Variants in NAV3 observed in about 807,000 individuals in gnomAD.
The protein encoded by NAV3 is pore membrane and/or filament interacting like protein 1.
Under a neutral mutation model 244.7 loss-of-function variants are expected in NAV3, and 87 were observed. That is an observed-to-expected ratio of 0.36 (90% CI 0.30 to 0.42). The LOEUF (loss-of-function observed/expected upper bound fraction) is 0.42. NAV3 is among the 20% of genes least tolerant of loss of function. The pLI, the probability that NAV3 is intolerant of heterozygous loss-of-function variation, is 1.00. For synonymous variants in NAV3, 1,126 were observed against 1,042.2 expected (o/e 1.08, Z -1.55); for missense variants, 2,663 against 2,893.3 (o/e 0.92, Z 1.83).
At chr12:77,726,162 C>T (rs1435141306) in intron 2 of NAV3, among the ~76,000 whole-genome samples, 4 of 119,770 alleles carry the variant, frequency 3.3e-5, no homozygotes, top group African/African-American at 1.0e-4. Flanking sequence ...CTGCCTTCCA[C>T]ATCTACCTTC....
chr12:77,729,260 T>C (rs1203851607), intron 2 of NAV3, among the ~76,000 whole-genome samples: 1 of 151,926 alleles, frequency 6.6e-6, no homozygotes, highest in Non-Finnish European at 1.5e-5. Context: ...GCTTGGTATA[T>C]ATAGGTTTGG....
chr12:77,675,296 T>G (rs1255661659), intron 2 of NAV3, among the ~76,000 whole-genome samples: 2 of 152,214 alleles, frequency 1.3e-5, no homozygotes, highest in Non-Finnish European at 2.9e-5. Flanking sequence ...CTTACATGAT[T>G]GTGGGGACGG....
At chr12:77,841,861 A>G (rs1390527785) in intron 1 of NAV3, among the ~76,000 whole-genome samples, 1 of 152,146 alleles carries the variant, frequency 6.6e-6, no homozygotes, top group Non-Finnish European at 1.5e-5. Flanking sequence ...GGAGGATTGC[A>G]TAAGAGGCTG....
At chr12:77,731,298 A>G (rs548967937) in intron 2 of NAV3, among the ~76,000 whole-genome samples, 3 of 152,126 alleles carry the variant, frequency 2.0e-5, no homozygotes, top group South Asian at 4.1e-4. Context: ...ATAAGTTGCA[A>G]TAATGGATTA....
At position 77,684,421 on chromosome 12, in the gene NAV3, C is replaced by T. The variant is rs186430416; in HGVS notation, c.72+112155C>T. On this transcript the variant is annotated intron_variant, in intron 2 of 8. Coordinates refer to the NAV3 transcript ENST00000550042. Reference sequence around the variant, plus strand: ...TTTCTTGTTTTTTGACAGTGTTTTACTCTCTTGTCCAGGCTAGAGTCCAGT... The same window carrying T: ...TTTCTTGTTTTTTGACAGTGTTTTATTCTCTTGTCCAGGCTAGAGTCCAGT... Among the ~76,000 whole-genome samples, 792 of 152,142 alleles carry T rather than the reference C, an allele frequency of 5.2e-3. 8 individuals are homozygous for T. Among genetic ancestry groups the T allele is most frequent in the Middle Eastern group, 0.027 (8 of 294 alleles).
intron 1 of NAV3, among the ~76,000 whole-genome samples, chr12:77,938,337 A>C (rs929800568): frequency 6.6e-6 from 1 of 152,196 alleles, no homozygotes; most frequent in African/African-American, 2.4e-5. Flanking sequence ...GCATCCACCT[A>C]AAAATCATGT....
chr12:77,709,500 A>T lies in NAV3; in HGVS notation c.72+137234A>T, dbSNP rs897799547. Among the ~76,000 whole-genome samples the T allele has an allele frequency of 2.6e-5, 4 of 152,204 alleles. No homozygotes were observed. The East Asian group carries it at 7.7e-4, about 29-fold the overall frequency. On this transcript the variant is annotated intron_variant, in intron 2 of 8. Coordinates refer to the NAV3 transcript ENST00000550042. ...AGTAAAAGGAAAACATTCTGTAAAT[A>T]AATTTAATAAACTATTATGGGTGCC...
chr12:77,942,569 T>C (rs1416237551), intron 3 of NAV3, among the ~76,000 whole-genome samples: 2 of 152,162 alleles, frequency 1.3e-5, no homozygotes, highest in African/African-American at 4.8e-5. Flanking sequence ...TAAGTGACTC[T>C]GTGGGAATTA....
At chr12:78,004,937 G>T (rs1873940197) in intron 7 of NAV3, among the ~76,000 whole-genome samples, 1 of 152,130 alleles carries the variant, frequency 6.6e-6, no homozygotes, top group Admixed American at 6.5e-5. Flanking sequence ...TCAGTTTTGG[G>T]TGCAGTGATG....
intron 2 of NAV3, among the ~76,000 whole-genome samples, chr12:77,680,772 T>A (rs1874415505): frequency 6.6e-6 from 1 of 151,232 alleles, no homozygotes; most frequent in Non-Finnish European, 1.5e-5. Flanking sequence ...AATGGAAAGT[T>A]AAAAGAGAGT....
intron 12 of NAV3, among the ~76,000 whole-genome samples, chr12:78,065,138 C>T (rs1202345549): frequency 6.6e-6 from 1 of 152,026 alleles, no homozygotes; most frequent in South Asian, 2.1e-4. Flanking sequence ...AAGTTTCTCA[C>T]CGAGATAGAG....
intron 2 of NAV3, among the ~76,000 whole-genome samples, chr12:77,742,521 AAG>A (rs1158356805): frequency 2.6e-5 from 4 of 152,180 alleles, no homozygotes; most frequent in African/African-American, 7.2e-5. Flanking sequence ...AAAAATAAGA[AAG>A]AGTTAGGGAT....
At chr12:78,064,575 C>G (rs752061586) in intron 12 of NAV3, among the ~76,000 whole-genome samples, 2 of 152,042 alleles carry the variant, frequency 1.3e-5, no homozygotes, top group South Asian at 2.1e-4. Context: ...TGAATTACCT[C>G]TGTAAAAGTC....
chr12:78,145,013 G>C (rs1401759718), intron 20 of NAV3: 2 of 279,466 alleles, frequency 7.2e-6, no homozygotes, highest in Non-Finnish European at 1.4e-5. Context: ...AATAGACATA[G>C]TTACATAGTT....
intron 2 of NAV3, among the ~76,000 whole-genome samples, chr12:77,770,771 A>G (rs1191853485): frequency 1.3e-5 from 2 of 152,240 alleles, no homozygotes; most frequent in East Asian, 1.9e-4. Context: ...TTCAAGATGG[A>G]TTAAAGACTT....
intron 25 of NAV3, 109 bp from the exon 26 acceptor site, chr12:78,176,326 TGAAA>T: frequency 9.8e-7 from 1 of 1,018,318 alleles, no homozygotes; most frequent in Non-Finnish European, 1.4e-6. Flanking sequence ...CTACAAATAA[TGAAA>T]GAAATATCTT....
rs184825147 is a variant in NAV3, at chr12:78,140,655, A to G, written c.4683+321A>G. Among the ~76,000 whole-genome samples the G allele has an allele frequency of 2.0e-5, 3 of 152,214 alleles. No individual in the cohort carries two copies. In the East Asian group the frequency reaches 5.8e-4, roughly 29 times the overall value. On this transcript the variant is annotated intron_variant, in intron 20 of 39. Coordinates refer to ENST00000397909, the MANE Select transcript of NAV3 (RefSeq NM_001024383.2). ...AACCATGTATGTAGTCTGCTATACTATCATTTTAGTAATGACGAGTTGTCC... is the reference window on the plus strand; with the variant it reads ...AACCATGTATGTAGTCTGCTATACTGTCATTTTAGTAATGACGAGTTGTCC...
At chr12:77,669,803 AG>A (rs1038503617) in intron 2 of NAV3, among the ~76,000 whole-genome samples, 2 of 152,152 alleles carry the variant, frequency 1.3e-5, no homozygotes, top group Non-Finnish European at 2.9e-5. Context: ...CCAGACAGAA[AG>A]TCAACAAAGA....
At chr12:78,208,735 G>A (rs953938550) in intron 39 of NAV3, among the ~76,000 whole-genome samples, 1 of 152,122 alleles carries the variant, frequency 6.6e-6, no homozygotes, top group Admixed American at 6.5e-5. Context: ...CAGCATTCAA[G>A]TGATTTCAAA....
Sources: gnomAD v4.1 joint callset for allele counts (sites outside exome capture counted in the v4.1 genomes callset) on GRCh38, gnomAD v4.1.1 for gene constraint, MANE v1.5 for transcripts, NCBI Gene and HGNC (gene_info 2026-07-23, HGNC 2026-07-21) for gene names.